Variants in MTX2 observed in about 807,000 individuals in gnomAD.
MTX2 encodes the protein metaxin-2.
MTX2 carries 35 observed loss-of-function variants against 42.3 expected under a neutral mutation model. The observed-to-expected ratio is 0.83, with a 90% CI of 0.63 to 1.10. The LOEUF (loss-of-function observed/expected upper bound fraction) is 1.10. Among genes scored for constraint, MTX2 ranks in the 50% least tolerant of loss-of-function variants. The probability of loss-of-function intolerance (pLI) is 0.00; values close to 1 mark genes in which losing one functional copy is unlikely to be tolerated. For synonymous variants in MTX2, 119 were observed against 100.9 expected, an observed-to-expected ratio of 1.18 and a Z score of -1.08; for missense variants, 307 against 304.1, an observed-to-expected ratio of 1.01 and a Z score of -0.07.
intron 4 of MTX2, among the ~76,000 whole-genome samples, chr2:176,326,145 T>G (rs1453572028): frequency 1.3e-5 from 2 of 151,786 alleles, no homozygotes; most frequent in Non-Finnish European, 2.9e-5. Flanking sequence ...TAGTATTTGT[T>G]AAAGTGAAAT....
intron 3 of MTX2, among the ~76,000 whole-genome samples, chr2:176,310,744 C>CT (rs2105427297): frequency 6.6e-6 from 1 of 152,308 alleles, no homozygotes; most frequent in African/African-American, 2.4e-5. Flanking sequence ...GTTTTCAGCT[C>CT]TGTCAGGTCA....
At chr2:176,277,157 G>C (rs930597664) in intron 1 of MTX2, among the ~76,000 whole-genome samples, 1 of 152,148 alleles carries the variant, frequency 6.6e-6, no homozygotes, top group Non-Finnish European at 1.5e-5. Context: ...TTTTATATTG[G>C]TAATAAAGTG....
intron 1 of MTX2, among the ~76,000 whole-genome samples, chr2:176,291,414 A>G (rs1693325698): frequency 6.6e-6 from 1 of 152,166 alleles, no homozygotes; most frequent in Admixed American, 6.5e-5. Context: ...GCTATGTGCT[A>G]GGTTCTAGGG....
intron 3 of MTX2, among the ~76,000 whole-genome samples, chr2:176,316,590 A>T (rs1684446415): frequency 6.6e-6 from 1 of 151,852 alleles, no homozygotes; most frequent in Non-Finnish European, 1.5e-5. Context: ...TTTAGTTGAG[A>T]CGGGATTTTG....
chr2:176,269,620 C>T lies in MTX2; in HGVS notation c.-10C>T, dbSNP rs758520551. 1.9e-6 allele frequency: 3 copies of T among 1,588,308 alleles called. No homozygotes were observed. The highest frequency in any genetic ancestry group is 2.7e-5 in the African/African-American group (2 of 74,274). On this transcript the variant is annotated 5_prime_UTR_variant, in exon 1 of 10. Coordinates refer to ENST00000249442, the MANE Select transcript of MTX2 (RefSeq NM_006554.5). Reference sequence around the variant, plus strand: ...GGGCAGGCACCCGGGCGCCGGGCCTCCCAGCCGACATGTCTCTAGTGGCGG... The same window carrying T: ...GGGCAGGCACCCGGGCGCCGGGCCTTCCAGCCGACATGTCTCTAGTGGCGG...
chr2:176,328,741 C>A, intron 6 of MTX2, 133 bp from the exon 7 acceptor site: 1 of 734,236 alleles, frequency 1.4e-6, no homozygotes, highest in Non-Finnish European at 2.3e-6. Context: ...TGGATAGCAG[C>A]TAAGAAAAAC....
chr2:176,310,172 T>C (rs1684267002), intron 3 of MTX2, among the ~76,000 whole-genome samples: 1 of 152,038 alleles, frequency 6.6e-6, no homozygotes, highest in South Asian at 2.1e-4. Flanking sequence ...TGAAGCTTAG[T>C]TTGGCTGGAT....
intron 1 of MTX2, among the ~76,000 whole-genome samples, chr2:176,284,364 A>G: frequency 6.6e-6 from 1 of 152,166 alleles, no homozygotes; most frequent in East Asian, 1.9e-4. Flanking sequence ...TATTTACTTT[A>G]CCTGAGTTAT....
rs192413281 is a variant in MTX2 at position 176,310,082 on chromosome 2, C to T, written c.135+12187C>T. ...CCATGTTTAGTGCTTCCTTCAGGAG[C>T]TCTTGTAAGGCAGGCCTGGTGGTGA... On this transcript the variant is annotated intron_variant, in intron 3 of 9. Coordinates refer to ENST00000249442, the MANE Select transcript of MTX2 (RefSeq NM_006554.5). 2.7e-3 allele frequency among the ~76,000 whole-genome samples: 418 copies of T among 152,202 alleles called. 5 individuals carry two copies. Among genetic ancestry groups the T allele is most frequent in the African/African-American group, 9.3e-3 (385 of 41,530 alleles).
At chr2:176,275,475 G>A (rs773560760) in intron 1 of MTX2, among the ~76,000 whole-genome samples, 1 of 152,106 alleles carries the variant, frequency 6.6e-6, no homozygotes, top group African/African-American at 2.4e-5. Context: ...CTGGCCTCAA[G>A]TGTTCTGCCT....
intron 3 of MTX2, among the ~76,000 whole-genome samples, chr2:176,309,653 T>C (rs1450133219): frequency 6.6e-6 from 1 of 152,102 alleles, no homozygotes; most frequent in Non-Finnish European, 1.5e-5. Flanking sequence ...GTAATGGCCT[T>C]CTTTGTCTCT....
intron 3 of MTX2, among the ~76,000 whole-genome samples, chr2:176,320,120 CAGTT>C (rs995787890): frequency 3.3e-5 from 5 of 151,878 alleles, no homozygotes; most frequent in African/African-American, 7.3e-5. Context: ...GTAAAATTGT[CAGTT>C]AGTTTTTATA....
intron 1 of MTX2, among the ~76,000 whole-genome samples, chr2:176,288,556 C>T (rs763987988): frequency 3.3e-5 from 5 of 150,638 alleles, no homozygotes; most frequent in Non-Finnish European, 7.4e-5. Flanking sequence ...ATAACACTGT[C>T]TAAATAGTCT....
At chr2:176,310,695 T>C (rs1402500702) in intron 3 of MTX2, among the ~76,000 whole-genome samples, 1 of 152,204 alleles carries the variant, frequency 6.6e-6, no homozygotes, top group Non-Finnish European at 1.5e-5. Context: ...GAATCAGCTA[T>C]TGAATCTTGT....
At chr2:176,277,591 C>G (rs1002069294) in intron 1 of MTX2, among the ~76,000 whole-genome samples, 2 of 151,920 alleles carry the variant, frequency 1.3e-5, no homozygotes, top group Non-Finnish European at 2.9e-5. Context: ...TAGTAGAGAC[C>G]GGGTTTCTCC....
At chr2:176,273,107 G>A (rs547768565) in intron 1 of MTX2, among the ~76,000 whole-genome samples, 22 of 152,290 alleles carry the variant, frequency 1.4e-4, no homozygotes, top group Non-Finnish European at 3.1e-4. Flanking sequence ...AAGAGCCAGG[G>A]ACTGAGAGGG....
intron 1 of MTX2, among the ~76,000 whole-genome samples, chr2:176,274,042 G>C (rs1992770): frequency 0.18 from 27,609 of 151,744 alleles, 2,740 homozygotes; most frequent in South Asian, 0.3. Context: ...AATAACTCCT[G>C]TTCATCCTTT....
At chr2:176,309,883 T>TG (rs2105426276) in intron 3 of MTX2, among the ~76,000 whole-genome samples, 1 of 152,296 alleles carries the variant, frequency 6.6e-6, no homozygotes, top group South Asian at 2.1e-4. Flanking sequence ...GTCTTTTAAT[T>TG]GGGGCATTTA....
intron 8 of MTX2, among the ~76,000 whole-genome samples, chr2:176,329,891 GTCTA>G (rs565191523): frequency 2.0e-4 from 30 of 149,794 alleles, no homozygotes; most frequent in South Asian, 1.0e-3. Flanking sequence ...CCGTCTGTCT[GTCTA>G]TCTATCTGTC....
Sources: allele counts gnomAD v4.1 joint callset (sites outside exome capture counted in the v4.1 genomes callset), GRCh38; gene constraint gnomAD v4.1.1; transcripts MANE v1.5; gene names NCBI Gene and HGNC (gene_info 2026-07-23, HGNC 2026-07-21).